Variants in ZNF780A observed in about 807,000 individuals in gnomAD.
The protein encoded by ZNF780A is zinc finger protein 780A.
Under a neutral mutation model 56.7 loss-of-function variants are expected in ZNF780A, and 40 were observed. That is an observed-to-expected ratio of 0.71 (90% CI 0.55 to 0.92). ZNF780A has a LOEUF of 0.92. Among genes scored for constraint, ZNF780A ranks in the 40% least tolerant of loss-of-function variants. The pLI is 0.00. For missense variants in ZNF780A, 672 were observed against 783.3 expected (o/e 0.86, Z 1.70); for synonymous variants, 231 against 248.3 (o/e 0.93, Z 0.66).
intron 5 of ZNF780A, among the ~76,000 whole-genome samples, chr19:40,080,310 C>T (rs1488356034): frequency 6.6e-6 from 1 of 152,142 alleles, no homozygotes; most frequent in East Asian, 1.9e-4. Context: ...GCTGGCATAC[C>T]ATGAAACCAA....
chr19:40,087,575 C>T (rs1192607999), intron 2 of ZNF780A, among the ~76,000 whole-genome samples: 4 of 151,926 alleles, frequency 2.6e-5, no homozygotes, highest in African/African-American at 2.4e-5. Context: ...GCTTTTGGTC[C>T]CTGAGACCAT....
intron 5 of ZNF780A, 33 bp from the exon 6 acceptor site, chr19:40,076,242 T>C (rs1974127466): frequency 6.6e-7 from 1 of 1,523,592 alleles, no homozygotes; most frequent in Non-Finnish European, 8.8e-7. Context: ...ACCTATTTTA[T>C]TTTCGTATAA....
downstream of ZNF780A, chr19:40,072,912 A>G (rs1409105681): frequency 1.0e-5 from 16 of 1,550,804 alleles, no homozygotes; most frequent in Non-Finnish European, 1.4e-5. Context: ...TGCAATGCAG[A>G]TTCTGCAATG....
chr19:40,085,496 A>C, intron 2 of ZNF780A: 1 of 326,076 alleles, frequency 3.1e-6, no homozygotes, highest in African/African-American at 2.3e-5. Flanking sequence ...AAAAAGACTA[A>C]CAGACATTAA....
At chr19:40,086,936 CAAAT>C (rs1790955509) in intron 2 of ZNF780A, among the ~76,000 whole-genome samples, 1 of 152,144 alleles carries the variant, frequency 6.6e-6, no homozygotes, top group African/African-American at 2.4e-5. Context: ...CTCCTGACCT[CAAAT>C]GATCTGCCTG....
downstream of ZNF780A, chr19:40,072,898 C>A (rs1973886143): frequency 1.3e-6 from 2 of 1,549,548 alleles, no homozygotes; most frequent in Non-Finnish European, 1.7e-6. Context: ...GAGAGATAAC[C>A]AAATGCAATG....
chr19:40,089,463 C>G, intron 2 of ZNF780A: 1 of 463,688 alleles, frequency 2.2e-6, no homozygotes, highest in East Asian at 3.4e-5. Context: ...CAAAAAACAA[C>G]AGTTAAAACA....
rs759285440 is a variant in ZNF780A at position 40,075,112 on chromosome 19, G to A, written c.1330C>T (p.Pro444Ser). 3 of 1,614,010 alleles carry A rather than the reference G, an allele frequency of 1.9e-6. No homozygotes were observed. The highest frequency in any genetic ancestry group is 1.7e-5 in the Admixed American group (1 of 60,002). Residue 444 changes from proline (P) to serine (S), a missense_variant, in exon 6 of 6, where the codon CCT (proline) becomes TCT (serine). Pro to Ser is a moderately conservative substitution (Grantham distance 74). Coordinates refer to ENST00000683561, the MANE Select transcript of ZNF780A (RefSeq NM_001142578.2). ...QHQKIHSNEK[P>S]FVCRECEMAF... ...ATCTCACATTCCCTACATACAAAAG[G>A]TTTCTCATTGGAATGAATTTTCTGA...
chr19:40,085,968 G>A (rs751290526), intron 2 of ZNF780A, among the ~76,000 whole-genome samples: 3 of 150,136 alleles, frequency 2.0e-5, no homozygotes, highest in Non-Finnish European at 4.4e-5. Flanking sequence ...ATATATATGT[G>A]TGTGTGTATA....
Position 40,074,334 on chromosome 19 carries a change from T to C in ZNF780A, c.*182A>G. On this transcript the variant is annotated 3_prime_UTR_variant, in exon 6 of 6. Coordinates refer to ENST00000683561, the MANE Select transcript of ZNF780A (RefSeq NM_001142578.2). ...TGGTAATGATATCTAAAGGTCGTCC[T>C]CCACTCCTTGCATACAAAGAGTTTC... 2 of 1,523,044 alleles carry C rather than the reference T, an allele frequency of 1.3e-6. No individual in the cohort carries two copies. The highest frequency in any genetic ancestry group is 1.8e-6 in the Non-Finnish European group (2 of 1,140,298). The allele number at this position is 1,523,044 out of a possible 1,614,324, so 94.3% of individuals were successfully genotyped here. A position where few individuals can be genotyped will look rare whatever the true frequency, so the allele number is the denominator to read the frequency against.
chr19:40,073,014 C>A, downstream of ZNF780A: 1 of 1,523,350 alleles, frequency 6.6e-7, no homozygotes, highest in Non-Finnish European at 8.8e-7. Context: ...ATTATGAATA[C>A]TTTCCTTAAC....
chr19:40,089,616 G>GTA (rs1975023600), intron 2 of ZNF780A, among the ~76,000 whole-genome samples: 2 of 134,910 alleles, frequency 1.5e-5, no homozygotes, highest in Non-Finnish European at 3.1e-5. Context: ...GCCTCTCACA[G>GTA]TACACACACA....
At chr19:40,081,067 C>T (rs188183491) in intron 5 of ZNF780A, among the ~76,000 whole-genome samples, 4 of 151,936 alleles carry the variant, frequency 2.6e-5, no homozygotes, top group Non-Finnish European at 2.9e-5. Flanking sequence ...AAAGCATAGG[C>T]GGCAAAAACA....
chr19:40,084,332 C>T (rs930283192), intron 3 of ZNF780A, among the ~76,000 whole-genome samples: 1 of 152,194 alleles, frequency 6.6e-6, no homozygotes, highest in Non-Finnish European at 1.5e-5. Flanking sequence ...CACTTGCAGA[C>T]TGAGGCTACT....
chr19:40,080,362 C>G (rs1351293936), intron 5 of ZNF780A, among the ~76,000 whole-genome samples: 5 of 152,104 alleles, frequency 3.3e-5, no homozygotes, highest in Non-Finnish European at 7.4e-5. Flanking sequence ...TAGTTCTAGC[C>G]TAAAGTCACA....
intron 5 of ZNF780A, among the ~76,000 whole-genome samples, chr19:40,078,031 C>T (rs1397829083): frequency 2.0e-5 from 3 of 150,324 alleles, no homozygotes; most frequent in Non-Finnish European, 1.5e-5. Flanking sequence ...CAAGAGAATT[C>T]GGAAGAACAA....
chr19:40,084,592 CTT>C (rs745698370), intron 3 of ZNF780A, among the ~76,000 whole-genome samples, 151 bp downstream of exon 3: 8 of 144,478 alleles, frequency 5.5e-5, no homozygotes, highest in Admixed American at 6.9e-5. Flanking sequence ...AGAGCAGTGA[CTT>C]TTTTTTTTTT....
intron 2 of ZNF780A, 62 bp from the exon 3 acceptor site, chr19:40,084,860 T>C (rs1289222183): frequency 7.9e-6 from 12 of 1,526,598 alleles, no homozygotes; most frequent in Middle Eastern, 1.7e-4. Context: ...CAAATAACTA[T>C]TTTATCCTCC....
In ZNF780A at chr19:40,084,746, T is replaced by C. The variant is rs1402479487; in HGVS notation, c.8A>G (p.His3Arg). 6.4e-7 allele frequency: 1 copy of C among 1,552,448 alleles called. No individual in the cohort carries two copies. Among genetic ancestry groups the C allele is most frequent in the Non-Finnish European group, 8.7e-7 (1 of 1,147,478 alleles). MV[H>R]GSVTFRDVAI... ...GAAAAGAGAGAAATACAAACTTACA[T>C]GGACCATGTTGCTAGAATTACAAAA... is the stretch of plus-strand genomic sequence containing the variant. The change falls in exon 3 of 6, where the codon CAT (histidine) becomes CGT (arginine). Residue 3 changes from histidine to arginine, a missense_variant and splice_region_variant. Physicochemically the swap from His to Arg is conservative, Grantham distance 29. Transcript: ENST00000683561.
Sources: allele counts gnomAD v4.1 joint callset (sites outside exome capture counted in the v4.1 genomes callset), GRCh38; gene constraint gnomAD v4.1.1; transcripts MANE v1.5; gene names NCBI Gene and HGNC (gene_info 2026-07-23, HGNC 2026-07-21).